RBFOX1: variants seen among roughly 807,000 people sequenced by gnomAD.
The protein encoded by RBFOX1 is RNA binding protein fox-1 homolog 1.
In RBFOX1, 8 loss-of-function variants were observed where a neutral mutation model predicts 57.7. That is an observed-to-expected ratio of 0.14 (90% CI 0.08 to 0.25). The LOEUF is 0.25. Among genes scored for constraint, RBFOX1 ranks in the 10% least tolerant of loss-of-function variants. The pLI is 1.00. For missense variants in RBFOX1, 611 were observed against 548.5 expected, an observed-to-expected ratio of 1.11 and a Z score of -1.14; for synonymous variants, 326 against 222.4, an observed-to-expected ratio of 1.47 and a Z score of -4.15.
At position 6,901,969 on chromosome 16, in the gene RBFOX1, G is replaced by T. The variant is rs2068608601; in HGVS notation, c.-15-150088G>T. 5.9e-5 allele frequency among the ~76,000 whole-genome samples: 9 copies of T among 152,194 alleles called. No individual in the cohort carries two copies. The Middle Eastern group carries it at 0.02, about 345-fold the overall frequency. ...GAAAAATGGCACCTTCAGAAATATT[G>T]CGTTACAGACATCTGTTTATCAGAA... On this transcript the variant is annotated intron_variant, in intron 3 of 15. Coordinates refer to ENST00000550418, the MANE Select transcript of RBFOX1 (RefSeq NM_018723.4).
intron 3 of RBFOX1, among the ~76,000 whole-genome samples, chr16:6,961,591 TGAG>T (rs2083028386): frequency 6.6e-6 from 1 of 152,134 alleles, no homozygotes; most frequent in South Asian, 2.1e-4. Flanking sequence ...AGAGCAGCTC[TGAG>T]GGCTGCTGAT....
At chr16:5,248,250 G>A (rs2062353270) in intron 1 of RBFOX1, among the ~76,000 whole-genome samples, 1 of 152,232 alleles carries the variant, frequency 6.6e-6, no homozygotes. Context: ...TAATGTCTAA[G>A]CATGCATATT....
At chr16:6,575,475 A>G (rs767279221) in intron 2 of RBFOX1, among the ~76,000 whole-genome samples, 3 of 152,204 alleles carry the variant, frequency 2.0e-5, no homozygotes, top group Non-Finnish European at 2.9e-5. Flanking sequence ...TTCTGGTCAT[A>G]AAAGCATCAC....
At chr16:5,642,864 C>A (rs190288313) in intron 3 of RBFOX1, among the ~76,000 whole-genome samples, 67 of 152,198 alleles carry the variant, frequency 4.4e-4, no homozygotes, top group African/African-American at 1.6e-3. Flanking sequence ...ACTCTGTGGC[C>A]CCTAGAGTGA....
At chr16:7,001,760 T>C (rs894650311) in intron 3 of RBFOX1, among the ~76,000 whole-genome samples, 1 of 151,878 alleles carries the variant, frequency 6.6e-6, no homozygotes, top group African/African-American at 2.4e-5. Context: ...CTGGCCTCTA[T>C]TATTTGTTTT....
chr16:5,419,572 C>G (rs2067253534), intron 1 of RBFOX1, among the ~76,000 whole-genome samples: 1 of 151,848 alleles, frequency 6.6e-6, no homozygotes, highest in East Asian at 1.9e-4. Context: ...GTCTTTGCAT[C>G]CTTCATTCCA....
intron 3 of RBFOX1, among the ~76,000 whole-genome samples, chr16:6,713,994 G>A (rs541403183): frequency 2.0e-5 from 3 of 152,308 alleles, no homozygotes; most frequent in East Asian, 1.9e-4. Flanking sequence ...GTGTACCCAC[G>A]TAAATCTCAT....
chr16:7,664,703 G>T lies in RBFOX1; in HGVS notation c.891-226G>T, dbSNP rs182804339. The T allele has an allele frequency of 6.0e-6, 4 of 667,232 alleles. No individual in the cohort carries two copies. The Admixed American group carries it at 1.2e-4, about 20-fold the overall frequency. The allele number at this position is 667,232 out of a possible 1,614,324, so 41.3% of individuals were successfully genotyped here. A position where few individuals can be genotyped will look rare whatever the true frequency, so the allele number is the denominator to read the frequency against. On this transcript the variant is annotated intron_variant, in intron 12 of 15. Transcript: ENST00000550418. ...TGGGAAGTTTGGGACCTAGCACACCGCCACCACCACATCCTAATTCTGGGC... is the reference window on the plus strand; with the variant it reads ...TGGGAAGTTTGGGACCTAGCACACCTCCACCACCACATCCTAATTCTGGGC...
chr16:5,565,292 T>C (rs544331574), intron 2 of RBFOX1, among the ~76,000 whole-genome samples: 77 of 152,310 alleles, frequency 5.1e-4, no homozygotes, highest in Admixed American at 1.1e-3. Context: ...TGCGTGCGTG[T>C]GTTCATGTGC....
chr16:7,039,166 G>A (rs73541040), intron 3 of RBFOX1, among the ~76,000 whole-genome samples: 3 of 152,240 alleles, frequency 2.0e-5, no homozygotes, highest in East Asian at 1.9e-4. Context: ...AAGTATTCCC[G>A]AGGACTCTTA....
intron 2 of RBFOX1, among the ~76,000 whole-genome samples, chr16:6,587,643 T>TA (rs1322354374): frequency 1.4e-4 from 22 of 151,916 alleles, no homozygotes; most frequent in South Asian, 6.2e-4. Context: ...GACAGACAAG[T>TA]AAAAAAGAAT....
chr16:7,460,389 A>ATATATATATATATATATATATATATGTG lies in RBFOX1; in HGVS notation c.28-57757_28-57756insATATATATATATATATATATATATGTGT. On this transcript the variant is annotated intron_variant, in intron 4 of 15. Transcript: ENST00000550418. ...TAGCAAAATATATATATATATATAT[A>ATATATATATATATATATATATATATGTG]TGTGTGTGTGTGTGTGTGTGTGTGT... Among the ~76,000 whole-genome samples, 274 of 86,832 alleles carry ATATATATATATATATATATATATATGTG rather than the reference A, an allele frequency of 3.2e-3. 2 individuals are homozygous for ATATATATATATATATATATATATATGTG. Among genetic ancestry groups the ATATATATATATATATATATATATATGTG allele is most frequent in the Non-Finnish European group, 3.9e-3 (196 of 50,704 alleles). 57.0% of individuals were successfully genotyped at this position (86,832 alleles called of 152,430 possible).
intron 4 of RBFOX1, among the ~76,000 whole-genome samples, chr16:5,932,510 G>C (rs2059082848): frequency 6.6e-6 from 1 of 152,242 alleles, no homozygotes; most frequent in Non-Finnish European, 1.5e-5. Flanking sequence ...TGCCATGCTA[G>C]ACATCTGCCC....
intron 3 of RBFOX1, among the ~76,000 whole-genome samples, chr16:6,707,602 C>G (rs990950491): frequency 6.7e-6 from 1 of 149,906 alleles, no homozygotes; most frequent in African/African-American, 2.5e-5. Flanking sequence ...AATGGACATA[C>G]TGAATTGAAG....
intron 2 of RBFOX1, among the ~76,000 whole-genome samples, chr16:6,477,782 C>G (rs1163428831): frequency 1.3e-5 from 2 of 152,202 alleles, no homozygotes; most frequent in South Asian, 2.1e-4. Context: ...TTTGTCTACA[C>G]TGAAAATCTG....
chr16:6,855,935 A>G (rs929975896), intron 3 of RBFOX1, among the ~76,000 whole-genome samples: 5 of 148,400 alleles, frequency 3.4e-5, no homozygotes, highest in African/African-American at 1.3e-4. Flanking sequence ...TCATGCACAT[A>G]TTCACTTCAT....
chr16:6,970,072 G>A (rs1297787752), intron 3 of RBFOX1, among the ~76,000 whole-genome samples: 1 of 152,068 alleles, frequency 6.6e-6, no homozygotes, highest in East Asian at 1.9e-4. Context: ...CAGCTACTTG[G>A]GAGGCTGAGG....
At chr16:6,154,569 T>C (rs2096825611) in intron 1 of RBFOX1, among the ~76,000 whole-genome samples, 2 of 152,188 alleles carry the variant, frequency 1.3e-5, no homozygotes, top group African/African-American at 4.8e-5. Context: ...GACAAGATGG[T>C]CTAAATCTTC....
chr16:7,255,208 C>G (rs985146569), intron 4 of RBFOX1, among the ~76,000 whole-genome samples: 4 of 152,120 alleles, frequency 2.6e-5, no homozygotes, highest in African/African-American at 9.7e-5. Flanking sequence ...ATATGACTTG[C>G]TTAGTGATAA....
Sources: gnomAD v4.1 joint callset for allele counts (sites outside exome capture counted in the v4.1 genomes callset) on GRCh38, gnomAD v4.1.1 for gene constraint, MANE v1.5 for transcripts, NCBI Gene and HGNC (gene_info 2026-07-23, HGNC 2026-07-21) for gene names.